The following TOP1 variants were observed in gnomAD, a reference collection of about 807,000 sequenced individuals.
TOP1 encodes the protein DNA topoisomerase I.
A neutral mutation model predicts 111.1 loss-of-function variants in TOP1; 10 were observed. The observed-to-expected ratio is 0.09, with a 90% CI of 0.06 to 0.15. The LOEUF (loss-of-function observed/expected upper bound fraction) is 0.15. Among genes scored for constraint, TOP1 ranks in the 10% least tolerant of loss-of-function variants. The pLI is 1.00. For missense variants in TOP1, 474 were observed against 926.7 expected (o/e 0.51, Z 6.34); for synonymous variants, 271 against 302.9 (o/e 0.89, Z 1.10).
intron 2 of TOP1, among the ~76,000 whole-genome samples, chr20:41,055,696 T>C (rs2033461999): frequency 1.3e-5 from 2 of 152,230 alleles, no homozygotes. Context: ...TTATTACACA[T>C]AGTAGTGAGT....
At chr20:41,113,808 G>A (rs868808034) in intron 14 of TOP1, among the ~76,000 whole-genome samples, 162 bp from the exon 15 acceptor site, 1 of 151,250 alleles carries the variant, frequency 6.6e-6, no homozygotes, top group African/African-American at 2.4e-5. Flanking sequence ...GCATGAACCC[G>A]GGAGACGGAG....
rs1302261550 is a variant in TOP1, at chr20:41,110,212, G to C, written c.1309-2570G>C. 1.3e-5 allele frequency among the ~76,000 whole-genome samples: 2 copies of C among 152,208 alleles called. No homozygotes were observed. The highest frequency in any genetic ancestry group is 2.9e-5 in the Non-Finnish European group (2 of 68,042). On this transcript the variant is annotated intron_variant, in intron 13 of 20. Transcript: ENST00000361337. The surrounding 1 kb of genome is among the most constrained non-coding windows in gnomAD (Gnocchi z 4.2). Reference sequence around the variant, plus strand: ...AGACATGGGAATCGCTTGAACCTGAGGGGTAGAGGTTGCACTGAGCCGAGA... The same window carrying C: ...AGACATGGGAATCGCTTGAACCTGACGGGTAGAGGTTGCACTGAGCCGAGA...
At chr20:41,062,551 A>T (rs528433470) in intron 3 of TOP1, among the ~76,000 whole-genome samples, 1 of 152,142 alleles carries the variant, frequency 6.6e-6, no homozygotes, top group Non-Finnish European at 1.5e-5. Context: ...AATCTACTCT[A>T]CATCTTTTCT....
At chr20:41,113,014 A>AT in intron 14 of TOP1, 89 bp downstream of exon 14, 1 of 1,326,932 alleles carries the variant, frequency 7.5e-7, no homozygotes, top group East Asian at 2.4e-5. Context: ...CACATACTGT[A>AT]TATCACAACT....
chr20:41,120,371 A>G (rs117552329), intron 18 of TOP1, among the ~76,000 whole-genome samples: 4,525 of 152,308 alleles, frequency 0.03, 93 homozygotes, highest in Non-Finnish European at 0.047. Flanking sequence ...GTATCTAACA[A>G]CAAACAATTC....
intron 3 of TOP1, among the ~76,000 whole-genome samples, chr20:41,066,943 G>C (rs2033615984): frequency 6.6e-6 from 1 of 152,052 alleles, no homozygotes; most frequent in Non-Finnish European, 1.5e-5. Flanking sequence ...CCGAGTTTCT[G>C]TTTACATATG....
At chr20:41,031,422 A>G (rs897867713) in intron 2 of TOP1, among the ~76,000 whole-genome samples, 9 of 152,254 alleles carry the variant, frequency 5.9e-5, no homozygotes, top group African/African-American at 1.9e-4. Flanking sequence ...GTTAACTTAC[A>G]TGGTTCTCAC....
rs185777401 is a variant in TOP1, at chr20:41,073,615, C to T, written c.156-2556C>T. On this transcript the variant is annotated intron_variant, in intron 3 of 20. Transcript: ENST00000361337. ...GGGTATTGATATGTAGTGGAGGCTG[C>T]TCTGAACTTGGAGGTGGAAATACTA... Among the ~76,000 whole-genome samples the T allele has an allele frequency of 1.4e-3, 219 of 152,260 alleles. 1 individual carries two copies. Among genetic ancestry groups the T allele is most frequent in the African/African-American group, 5.0e-3 (207 of 41,550 alleles).
intron 14 of TOP1, 80 bp from the exon 15 acceptor site, chr20:41,113,890 A>G: frequency 8.2e-7 from 1 of 1,218,778 alleles, no homozygotes; most frequent in Non-Finnish European, 1.1e-6. Flanking sequence ...AAAAAAAAAA[A>G]AAAAAAAAAC....
In TOP1 at chr20:41,029,579, A is replaced by T. The variant is rs1298418813; in HGVS notation, c.58+124A>T. ...GAGACTAAGTCCCGGCTCCTCGCTC[A>T]CCGGCCCCATTGTTCCCATCGGGCC... On this transcript the variant is annotated intron_variant, in intron 2 of 20. Coordinates refer to ENST00000361337, the MANE Select transcript of TOP1 (RefSeq NM_003286.4). This position sits in a 1 kb window ranked among gnomAD's most constrained non-coding sequence, Gnocchi z 6.1. 1 of 793,618 alleles carries T rather than the reference A, an allele frequency of 1.3e-6. No homozygotes were observed. Among genetic ancestry groups the T allele is most frequent in the Non-Finnish European group, 2.1e-6 (1 of 475,644 alleles). 49.2% of individuals were successfully genotyped at this position (793,618 alleles called of 1,614,324 possible). A position where few individuals can be genotyped will look rare whatever the true frequency, so the allele number is the denominator to read the frequency against.
In TOP1 at chr20:41,116,434, T is replaced by C. The variant is rs1477269848; in HGVS notation, c.1822+42T>C. The C allele has an allele frequency of 6.8e-7, 1 of 1,477,798 alleles. No individual in the cohort carries two copies. Among genetic ancestry groups the C allele is most frequent in the African/African-American group, 1.4e-5 (1 of 72,114 alleles). 91.5% of individuals were successfully genotyped at this position (1,477,798 alleles called of 1,614,324 possible). On this transcript the variant is annotated intron_variant, in intron 17 of 20. Coordinates refer to ENST00000361337, the MANE Select transcript of TOP1 (RefSeq NM_003286.4). The surrounding 1 kb of genome is among the most constrained non-coding windows in gnomAD (Gnocchi z 5.6). ...CAGATAGGGCCCACACCCCTACTAA[T>C]GGTATCCGGTGACCTTGCTTATCTA...
intron 13 of TOP1, among the ~76,000 whole-genome samples, chr20:41,111,230 G>A (rs774430475): frequency 1.3e-4 from 20 of 152,262 alleles, no homozygotes; most frequent in South Asian, 2.1e-4. Context: ...CAATTTTTCC[G>A]TGCATGTGTA....
At chr20:41,056,560 C>T (rs1027615554) in intron 2 of TOP1, among the ~76,000 whole-genome samples, 2 of 152,174 alleles carry the variant, frequency 1.3e-5, no homozygotes, top group African/African-American at 4.8e-5. Flanking sequence ...ATCATAGCTC[C>T]ATCCTTGAAC....
At chr20:41,111,578 C>A (rs375658274) in intron 13 of TOP1, among the ~76,000 whole-genome samples, 1 of 146,032 alleles carries the variant, frequency 6.8e-6, no homozygotes, top group Non-Finnish European at 1.5e-5. Flanking sequence ...AGGCTGGTTG[C>A]GCCCCCACCC....
intron 2 of TOP1, among the ~76,000 whole-genome samples, chr20:41,052,325 CT>C (rs770528913): frequency 6.6e-6 from 1 of 152,204 alleles, no homozygotes; most frequent in Non-Finnish European, 1.5e-5. Flanking sequence ...TGGTCATGGT[CT>C]TTTGTGCTCA....
chr20:41,072,922 T>C, intron 3 of TOP1: 1 of 985,434 alleles, frequency 1.0e-6, no homozygotes, highest in East Asian at 1.1e-4. Context: ...TTGGCTTCCT[T>C]TGGAAAGTCA....
Position 41,112,775 on chromosome 20 carries a change from T to C in TOP1, c.1309-7T>C. The C allele has an allele frequency of 6.2e-7, 1 of 1,614,076 alleles. No homozygotes were observed. The highest frequency in any genetic ancestry group is 8.5e-7 in the Non-Finnish European group (1 of 1,179,960). On this transcript the variant is annotated splice_region_variant and splice_polypyrimidine_tract_variant and intron_variant, in intron 13 of 20. Transcript: ENST00000361337. This position sits in a 1 kb window ranked among gnomAD's most constrained non-coding sequence, Gnocchi z 5.8. ...AGTAATCTACATTTGGGTTTGGGTC[T>C]TTACAGGGTGAGAAGGACTGGCAGA...
At chr20:41,088,576 G>C (rs1431520354) in intron 8 of TOP1, among the ~76,000 whole-genome samples, 1 of 152,160 alleles carries the variant, frequency 6.6e-6, no homozygotes, top group Non-Finnish European at 1.5e-5. Flanking sequence ...ATAAGGGAAA[G>C]GGTGGCGTTC....
rs2033768318 is a variant in TOP1, at chr20:41,079,829, A to G, written c.336-256A>G. ...TGGCAAAGATAGCTAAGAAATAGTGAGAAAGAATTCTGACTTAGAATAAAG... is the reference window on the plus strand; with the variant it reads ...TGGCAAAGATAGCTAAGAAATAGTGGGAAAGAATTCTGACTTAGAATAAAG... On this transcript the variant is annotated intron_variant, in intron 5 of 20. Transcript: ENST00000361337. This position sits in a 1 kb window ranked among gnomAD's most constrained non-coding sequence, Gnocchi z 4.0. Among the ~76,000 whole-genome samples, 1 of 152,236 alleles carries G rather than the reference A, an allele frequency of 6.6e-6. No homozygotes were observed. Among genetic ancestry groups the G allele is most frequent in the South Asian group, 2.1e-4 (1 of 4,832 alleles).
Sources: allele counts gnomAD v4.1 joint callset (sites outside exome capture counted in the v4.1 genomes callset), GRCh38; gene constraint gnomAD v4.1.1; non-coding constraint Gnocchi (gnomAD v3.1); transcripts MANE v1.5; gene names NCBI Gene and HGNC (gene_info 2026-07-23, HGNC 2026-07-21).